ZNF215: variants seen among roughly 807,000 people sequenced by gnomAD.
ZNF215 encodes the protein BWSCR2-associated zinc finger protein 2.
ZNF215 carries 24 observed loss-of-function variants against 27.2 expected under a neutral mutation model. The ratio of observed to expected loss-of-function variants is 0.88; its 90% CI spans 0.64 to 1.24. The LOEUF is 1.24. Among genes scored for constraint, ZNF215 ranks in the 50% most tolerant of loss-of-function variants. The probability of loss-of-function intolerance (pLI) is 0.00; values close to 1 mark genes in which losing one functional copy is unlikely to be tolerated. For synonymous variants in ZNF215, 210 were observed against 204.0 expected, an observed-to-expected ratio of 1.03 and a Z score of -0.25; for missense variants, 675 against 605.7, an observed-to-expected ratio of 1.11 and a Z score of -1.20.
At position 6,956,449 on chromosome 11, in the gene ZNF215, A is replaced by C; in HGVS notation, c.1472A>C (p.Lys491Thr). ...QMIHTGEKPFKCKECSKAFNR... is the reference protein window; with the variant it reads ...QMIHTGEKPFTCKECSKAFNR... Reference sequence around the variant, plus strand: ...ATTCACACGGGAGAGAAACCATTCAAATGTAAGGAATGTAGTAAAGCCTTC... The same window carrying C: ...ATTCACACGGGAGAGAAACCATTCACATGTAAGGAATGTAGTAAAGCCTTC... The change falls in exon 7 of 7, where the codon AAA becomes ACA. Residue 491 changes from lysine to threonine, a missense_variant. Transcript: ENST00000278319. 3.1e-6 allele frequency: 5 copies of C among 1,614,146 alleles called. No homozygotes were observed. Among genetic ancestry groups the C allele is most frequent in the Non-Finnish European group, 4.2e-6 (5 of 1,180,010 alleles).
At chr11:6,965,642 C>T (rs1190438892) in intron 5 of ZNF215, among the ~76,000 whole-genome samples, 5 of 152,222 alleles carry the variant, frequency 3.3e-5, no homozygotes, top group East Asian at 1.9e-4. Flanking sequence ...GTTAGATATA[C>T]TTCCATGTAA....
At chr11:6,943,447 TG>T in intron 5 of ZNF215, 98 bp from the exon 6 acceptor site, 1 of 1,226,616 alleles carries the variant, frequency 8.2e-7, no homozygotes, top group Non-Finnish European at 1.2e-6. Flanking sequence ...TTCAGCAGCT[TG>T]GATTACTGTG....
Position 6,938,472 on chromosome 11 carries a change from A to G in ZNF215, c.401-3099A>G, listed in dbSNP as rs182098709. On this transcript the variant is annotated intron_variant, in intron 3 of 6. Coordinates refer to ENST00000278319, the MANE Select transcript of ZNF215 (RefSeq NM_013250.4). Reference sequence around the variant, plus strand: ...AATTACCATATACCCCAGAAAATTGAAGACACATATTCACATTAAAAAGTG... The same window carrying G: ...AATTACCATATACCCCAGAAAATTGGAGACACATATTCACATTAAAAAGTG... 4.0e-4 allele frequency among the ~76,000 whole-genome samples: 61 copies of G among 152,232 alleles called. No individual in the cohort carries two copies. In the East Asian group the frequency reaches 4.0e-3, roughly 10 times the overall value.
At chr11:6,936,468 G>C (rs1602567) in intron 3 of ZNF215, among the ~76,000 whole-genome samples, 149,149 of 152,144 alleles carry the variant, frequency 0.98, 73,185 homozygotes, top group Middle Eastern at 1. Flanking sequence ...ACTCAACTCA[G>C]CAATAACAAA....
chr11:6,930,111 T>TTA (rs1418356667), intron 2 of ZNF215, among the ~76,000 whole-genome samples: 2 of 151,312 alleles, frequency 1.3e-5, no homozygotes, highest in Non-Finnish European at 2.9e-5. Context: ...TTTTTTTTTT[T>TTA]AATTTTTTGA....
At chr11:6,978,822 T>G (rs1311168054) in intron 5 of ZNF215, among the ~76,000 whole-genome samples, 1 of 152,042 alleles carries the variant, frequency 6.6e-6, no homozygotes, top group Non-Finnish European at 1.5e-5. Context: ...CATAATAAAA[T>G]GTTGGAAATG....
At chr11:6,943,523 C>G in intron 5 of ZNF215, 23 bp from the exon 6 acceptor site, 1 of 1,591,684 alleles carries the variant, frequency 6.3e-7, no homozygotes, top group Non-Finnish European at 8.6e-7. Context: ...TGTTGTTGTT[C>G]TTTTTATTTT....
chr11:6,941,194 A>T (rs557820075), intron 3 of ZNF215, among the ~76,000 whole-genome samples: 2 of 152,356 alleles, frequency 1.3e-5, no homozygotes, highest in Admixed American at 1.3e-4. Context: ...GATTGGTTGG[A>T]TAAAATATTA....
At chr11:6,955,560 TA>T in intron 6 of ZNF215, 129 bp from the exon 7 acceptor site, 1 of 965,256 alleles carries the variant, frequency 1.0e-6, no homozygotes, top group Non-Finnish European at 1.4e-6. Flanking sequence ...TATTTTTTTC[TA>T]ACCTTGCCTC....
downstream of ZNF215, among the ~76,000 whole-genome samples, chr11:6,993,118 A>G (rs1215570662): frequency 2.0e-5 from 3 of 151,908 alleles, no homozygotes; most frequent in East Asian, 3.9e-4. Flanking sequence ...CTACCCCCAC[A>G]TAGACGTAAT....
chr11:6,943,539 T>C lies in ZNF215; in HGVS notation c.617-7T>C, dbSNP rs1016847175. On this transcript the variant is annotated splice_region_variant and splice_polypyrimidine_tract_variant and intron_variant, in intron 5 of 6. Coordinates refer to ENST00000278319, the MANE Select transcript of ZNF215 (RefSeq NM_013250.4). ...GTTGTTGTTCTTTTTATTTTCTCCA[T>C]GAACAGCACATCTACTTTCCAAACC... is the stretch of plus-strand genomic sequence containing the variant. The C allele has an allele frequency of 3.7e-6, 6 of 1,610,548 alleles. No individual in the cohort carries two copies. Among genetic ancestry groups the C allele is most frequent in the Non-Finnish European group, 5.1e-6 (6 of 1,177,874 alleles).
chr11:6,962,149 GT>G (rs11299474), downstream of ZNF215, among the ~76,000 whole-genome samples: 596 of 151,742 alleles, frequency 3.9e-3, 4 homozygotes, highest in African/African-American at 0.013. Context: ...AGTAATAAGG[GT>G]TTTTTTTTGT....
downstream of ZNF215, among the ~76,000 whole-genome samples, chr11:6,984,957 A>T (rs1851030949): frequency 1.3e-5 from 2 of 152,342 alleles, no homozygotes; most frequent in South Asian, 4.1e-4. Context: ...TCACAGCCGA[A>T]TTCCACCAGA....
intron 3 of ZNF215, among the ~76,000 whole-genome samples, chr11:6,937,498 T>C (rs1413699909): frequency 1.4e-5 from 2 of 147,652 alleles, no homozygotes; most frequent in Non-Finnish European, 1.5e-5. Context: ...TTTTTTTTTT[T>C]TTTTTTTTTT....
At chr11:6,936,941 T>C (rs2133184860) in intron 3 of ZNF215, among the ~76,000 whole-genome samples, 1 of 149,818 alleles carries the variant, frequency 6.7e-6, no homozygotes, top group East Asian at 1.9e-4. Context: ...ACAAAGGACA[T>C]TTATGAAAAA....
At chr11:6,945,236 C>T (rs562225238) in intron 6 of ZNF215, among the ~76,000 whole-genome samples, 24 of 152,252 alleles carry the variant, frequency 1.6e-4, no homozygotes, top group African/African-American at 5.5e-4. Context: ...TACCCTCGGT[C>T]CCCGCTCCCA....
rs575070307 is a variant in ZNF215 at position 6,947,127 on chromosome 11, CAT to C, written c.712+3487_712+3488del. ...TTGTTTTATATCTGTTCATTTTACA[CAT>C]GTTTTTCCATCTTAAAACTAGGAAA... On this transcript the variant is annotated intron_variant, in intron 6 of 6. Coordinates refer to ENST00000278319, the MANE Select transcript of ZNF215 (RefSeq NM_013250.4). 3.7e-3 allele frequency among the ~76,000 whole-genome samples: 556 copies of C among 152,296 alleles called. 2 individuals are homozygous for C. Among genetic ancestry groups the C allele is most frequent in the Non-Finnish European group, 5.5e-3 (372 of 68,024 alleles).
chr11:6,927,080 GGTTA>G (rs1418671246), intron 1 of ZNF215, among the ~76,000 whole-genome samples: 1 of 152,134 alleles, frequency 6.6e-6, no homozygotes, highest in Non-Finnish European at 1.5e-5. Context: ...CGCGCAGAGT[GGTTA>G]GTATGTTATG....
chr11:6,935,140 A>G (rs976326342), intron 3 of ZNF215, among the ~76,000 whole-genome samples: 1 of 152,208 alleles, frequency 6.6e-6, no homozygotes, highest in African/African-American at 2.4e-5. Flanking sequence ...ATAATAAATA[A>G]CAGTTGGGAT....
Sources: gnomAD v4.1 joint callset for allele counts (sites outside exome capture counted in the v4.1 genomes callset) on GRCh38, gnomAD v4.1.1 for gene constraint, MANE v1.5 for transcripts, NCBI Gene and HGNC (gene_info 2026-07-23, HGNC 2026-07-21) for gene names.